ZKSCAN1: variants seen among roughly 807,000 people sequenced by gnomAD.
The protein encoded by ZKSCAN1 is zinc finger with KRAB and SCAN domains 1, also known as zinc finger protein with KRAB and SCAN domains 1.
ZKSCAN1 carries 14 observed loss-of-function variants against 51.6 expected under a neutral mutation model. The ratio of observed to expected loss-of-function variants is 0.27; its 90% CI spans 0.18 to 0.42. ZKSCAN1 has a LOEUF of 0.42. Ranked by LOEUF, ZKSCAN1 falls within the 10% of genes least tolerant of loss-of-function variation. The pLI is 1.00. For missense variants in ZKSCAN1, 531 were observed against 710.0 expected, an observed-to-expected ratio of 0.75 and a Z score of 2.86; for synonymous variants, 263 against 261.5, an observed-to-expected ratio of 1.01 and a Z score of -0.06.
intron 5 of ZKSCAN1, among the ~76,000 whole-genome samples, chr7:100,032,920 A>G (rs888288519): frequency 1.3e-5 from 2 of 152,022 alleles, no homozygotes; most frequent in Non-Finnish European, 2.9e-5. Context: ...AGGCAGGAGA[A>G]TGGCGTCAAC....
chr7:100,020,223 C>T (rs1302631993), intron 1 of ZKSCAN1, among the ~76,000 whole-genome samples: 2 of 151,996 alleles, frequency 1.3e-5, no homozygotes, highest in South Asian at 2.1e-4. Context: ...GAGAGGACTG[C>T]GGGGGGAAGT....
rs959361263 is a variant in ZKSCAN1 at position 100,036,530 on chromosome 7, C to G, written c.*2333C>G. The G allele has an allele frequency of 1.4e-5, 12 of 864,210 alleles. No homozygotes were observed. In the African/African-American group the frequency reaches 2.2e-4, roughly 16 times the overall value. 53.5% of individuals were successfully genotyped at this position (864,210 alleles called of 1,614,324 possible). On this transcript the variant is annotated 3_prime_UTR_variant, in exon 6 of 6. Coordinates refer to ENST00000324306, the MANE Select transcript of ZKSCAN1 (RefSeq NM_003439.4). ...TCAGGAGTTTTGAGACCAGCCTGGC[C>G]AACATGGTAAAATCCCGTCTCTACT...
chr7:100,038,669 T>C lies in ZKSCAN1; in HGVS notation c.*4472T>C. 1 of 985,422 alleles carries C rather than the reference T, an allele frequency of 1.0e-6. No individual in the cohort carries two copies. Among genetic ancestry groups the C allele is most frequent in the Non-Finnish European group, 1.2e-6 (1 of 829,950 alleles). 61.0% of individuals were successfully genotyped at this position (985,422 alleles called of 1,614,324 possible). On this transcript the variant is annotated 3_prime_UTR_variant, in exon 6 of 6. Transcript: ENST00000324306. ...GGTTCTTTTAAACCGTAGTCATGCTTTCCCACTAACTCTTAAATCCTTATG... is the reference window on the plus strand; with the variant it reads ...GGTTCTTTTAAACCGTAGTCATGCTCTCCCACTAACTCTTAAATCCTTATG...
chr7:100,026,656 C>T (rs1368127685), intron 3 of ZKSCAN1, among the ~76,000 whole-genome samples: 2 of 151,562 alleles, frequency 1.3e-5, no homozygotes, highest in Non-Finnish European at 2.9e-5. Context: ...AACCTGTAGG[C>T]AGAGGTTGTG....
intron 5 of ZKSCAN1, among the ~76,000 whole-genome samples, chr7:100,032,583 G>A (rs952645454): frequency 2.4e-4 from 36 of 152,186 alleles, no homozygotes; most frequent in African/African-American, 6.8e-4. Context: ...AAGTCAGGCC[G>A]GGTGCAGTGG....
At chr7:100,029,680 A>G (rs1156685777) in intron 3 of ZKSCAN1, among the ~76,000 whole-genome samples, 181 bp from the exon 4 acceptor site, 1 of 152,192 alleles carries the variant, frequency 6.6e-6, no homozygotes, top group Non-Finnish European at 1.5e-5. Context: ...GCTCAAGAGT[A>G]GAGGTCTTGG....
chr7:100,042,353 A>C (rs2116009997), downstream of ZKSCAN1, among the ~76,000 whole-genome samples: 1 of 146,476 alleles, frequency 6.8e-6, no homozygotes, highest in Admixed American at 6.9e-5. Flanking sequence ...AACTGGGAGG[A>C]TGTGAGGTTG....
At position 100,038,218 on chromosome 7, in the gene ZKSCAN1, T is replaced by TC; in HGVS notation, c.*4023dup. ...TGTACCTTCAGTCCCTTGTTATTGT[T>TC]CCGTATATTACCTGTAAGCAGATAC... On this transcript the variant is annotated 3_prime_UTR_variant, in exon 6 of 6. Coordinates refer to ENST00000324306, the MANE Select transcript of ZKSCAN1 (RefSeq NM_003439.4). 1.0e-6 allele frequency: 1 copy of TC among 985,412 alleles called. No individual in the cohort carries two copies. Among genetic ancestry groups the TC allele is most frequent in the South Asian group, 4.7e-5 (1 of 21,290 alleles). 61.0% of individuals were successfully genotyped at this position (985,412 alleles called of 1,614,324 possible).
Position 100,020,822 on chromosome 7 carries a change from C to T in ZKSCAN1, c.-88-2597C>T, listed in dbSNP as rs1389295771. Among the ~76,000 whole-genome samples the T allele has an allele frequency of 3.3e-5, 5 of 152,248 alleles. No homozygotes were observed. The East Asian group carries it at 9.7e-4, about 29-fold the overall frequency. The stretch of plus-strand genomic sequence containing the variant: ...GCAGTTTAATGGTCTGTTTCTAAAA[C>T]TTCAATTTGATGCTTAGTTTTGATG... On this transcript the variant is annotated intron_variant, in intron 1 of 5. Coordinates refer to ENST00000324306, the MANE Select transcript of ZKSCAN1 (RefSeq NM_003439.4).
intron 3 of ZKSCAN1, among the ~76,000 whole-genome samples, chr7:100,025,686 C>T (rs77484847): frequency 0.047 from 7,174 of 152,292 alleles, 240 homozygotes; most frequent in Non-Finnish European, 0.071. Context: ...TCCACACCTA[C>T]GCTACAAAGC....
chr7:100,020,443 T>G (rs541402631), intron 1 of ZKSCAN1, among the ~76,000 whole-genome samples: 1 of 151,930 alleles, frequency 6.6e-6, no homozygotes, highest in African/African-American at 2.4e-5. Flanking sequence ...AAAGGTGGAT[T>G]GTGGGAGAGA....
intron 1 of ZKSCAN1, among the ~76,000 whole-genome samples, chr7:100,016,385 G>A (rs182390326): frequency 1.3e-5 from 2 of 152,084 alleles, no homozygotes; most frequent in East Asian, 1.9e-4. Context: ...AGAGCTGTCC[G>A]GGACGTTAGG....
intron 3 of ZKSCAN1, among the ~76,000 whole-genome samples, chr7:100,027,466 C>T (rs1197894647): frequency 6.6e-6 from 1 of 151,680 alleles, no homozygotes; most frequent in Admixed American, 6.6e-5. Context: ...ACTGGTGCAC[C>T]GTGGCCAGGC....
In ZKSCAN1 at chr7:100,039,675, G is replaced by A; in HGVS notation, c.*5478G>A. 1 of 985,410 alleles carries A rather than the reference G, an allele frequency of 1.0e-6. No homozygotes were observed. Among genetic ancestry groups the A allele is most frequent in the Non-Finnish European group, 1.2e-6 (1 of 829,942 alleles). The allele number at this position is 985,410 out of a possible 1,614,324, so 61.0% of individuals were successfully genotyped here. A position where few individuals can be genotyped will look rare whatever the true frequency, so the allele number is the denominator to read the frequency against. On this transcript the variant is annotated 3_prime_UTR_variant, in exon 6 of 6. Coordinates refer to ENST00000324306, the MANE Select transcript of ZKSCAN1 (RefSeq NM_003439.4). ...CTACCATCCTCATGGAAGACTGTGTGTATGAATTGGAGTAACAGAACTGAA... is the reference window on the plus strand; with the variant it reads ...CTACCATCCTCATGGAAGACTGTGTATATGAATTGGAGTAACAGAACTGAA...
chr7:100,030,037 T>C, intron 4 of ZKSCAN1, 85 bp downstream of exon 4: 4 of 1,495,934 alleles, frequency 2.7e-6, no homozygotes, highest in Non-Finnish European at 3.7e-6. Flanking sequence ...CAGGCCACTC[T>C]GGATGCCCCT....
intron 1 of ZKSCAN1, among the ~76,000 whole-genome samples, chr7:100,019,564 CAT>C (rs1790514045): frequency 6.6e-6 from 1 of 152,076 alleles, no homozygotes; most frequent in Admixed American, 6.6e-5. Context: ...GTATACCCCA[CAT>C]GTCAGGTACA....
Position 100,034,129 on chromosome 7 carries a change from G to T in ZKSCAN1, c.1624G>T (p.Glu542Ter). 6.3e-7 allele frequency: 1 copy of T among 1,593,332 alleles called. No homozygotes were observed. The highest frequency in any genetic ancestry group is 8.5e-7 in the Non-Finnish European group (1 of 1,172,406). Residue 542 changes from glutamate (E) to a stop codon, truncating the protein, a stop_gained, in exon 6 of 6, where the codon GAG becomes TAG. Transcript: ENST00000324306. LOFTEE classifies it high-confidence loss of function. Reference protein sequence around the residue: ...LTLHHRIHARERASEYSPASL... With the variant: ...LTLHHRIHAR Reference sequence around the variant, plus strand: ...TCTGCATCACAGAATCCATGCCAGAGAGAGAGCCTCTGAGTACAGCCCAGC... The same window carrying T: ...TCTGCATCACAGAATCCATGCCAGATAGAGAGCCTCTGAGTACAGCCCAGC...
At position 100,039,560 on chromosome 7, in the gene ZKSCAN1, CT is replaced by C. The variant is rs1791508707; in HGVS notation, c.*5370del. On this transcript the variant is annotated 3_prime_UTR_variant, in exon 6 of 6. Transcript: ENST00000324306. Reference sequence around the variant, plus strand: ...CAAAGACTCGTTGCTGTGAAAGAATCTTTTTTTAATTTTTATCCTAGAGTCA... The same window carrying C: ...CAAAGACTCGTTGCTGTGAAAGAATCTTTTTTAATTTTTATCCTAGAGTCA... 3.0e-6 allele frequency: 3 copies of C among 985,366 alleles called. No homozygotes were observed. The highest frequency in any genetic ancestry group is 3.6e-6 in the Non-Finnish European group (3 of 829,912). 61.0% of individuals were successfully genotyped at this position (985,366 alleles called of 1,614,324 possible).
At chr7:100,015,771 AG>A (rs1409342668) in intron 1 of ZKSCAN1, 45 bp downstream of exon 1, 2 of 152,304 alleles carry the variant, frequency 1.3e-5, no homozygotes, top group African/African-American at 4.8e-5. Context: ...CGGGGCCGCA[AG>A]GGTGTGTGCG....
Sources: allele counts gnomAD v4.1 joint callset (sites outside exome capture counted in the v4.1 genomes callset), GRCh38; gene constraint gnomAD v4.1.1; transcripts MANE v1.5; gene names NCBI Gene and HGNC (gene_info 2026-07-23, HGNC 2026-07-21).